DYNC2H1: variants seen among roughly 807,000 people sequenced by gnomAD.
The protein encoded by DYNC2H1 is dynein cytoplasmic 2 heavy chain 1, also known as cytoplasmic dynein 2 heavy chain 1.
Under a neutral mutation model 570.0 loss-of-function variants are expected in DYNC2H1, and 410 were observed. The observed-to-expected ratio is 0.72, with a 90% CI of 0.66 to 0.78. The LOEUF (loss-of-function observed/expected upper bound fraction) is 0.78. Ranked by LOEUF, DYNC2H1 falls within the 30% of genes least tolerant of loss-of-function variation. The pLI, the probability that DYNC2H1 is intolerant of heterozygous loss-of-function variation, is 0.00. For missense variants in DYNC2H1, 4,865 were observed against 5,046.4 expected, an observed-to-expected ratio of 0.96 and a Z score of 1.09; for synonymous variants, 1,688 against 1,677.6, an observed-to-expected ratio of 1.01 and a Z score of -0.15.
chr11:103,312,075 T>C (rs748503392), intron 79 of DYNC2H1, 42 bp downstream of exon 79: 6 of 1,564,060 alleles, frequency 3.8e-6, no homozygotes, highest in Non-Finnish European at 5.2e-6. Flanking sequence ...AGCTTTATAT[T>C]TTTGTATGTT....
intron 84 of DYNC2H1, among the ~76,000 whole-genome samples, chr11:103,413,973 C>T (rs1039025342): frequency 3.3e-5 from 5 of 152,058 alleles, no homozygotes; most frequent in Non-Finnish European, 5.9e-5. Context: ...AACAGAAGTA[C>T]ATTATTGTAA....
chr11:103,417,552 C>T (rs1309699802), intron 84 of DYNC2H1, among the ~76,000 whole-genome samples: 1 of 151,968 alleles, frequency 6.6e-6, no homozygotes, highest in Admixed American at 6.5e-5. Context: ...TGCATCATCC[C>T]CACAATACTA....
chr11:103,111,974 A>G (rs1382584310), intron 1 of DYNC2H1, among the ~76,000 whole-genome samples: 1 of 152,236 alleles, frequency 6.6e-6, no homozygotes. Context: ...CATGCTACAG[A>G]TATATGTAAC....
Position 103,292,155 on chromosome 11 carries a change from TCTC to T in DYNC2H1, c.11095+4551_11095+4553del, listed in dbSNP as rs761649267. ...GGTTGTTTTGTTAGTGTCTTCTTCT[TCTC>T]TTTTTTTTTTTCCTTTCTTCCTGTC... On this transcript the variant is annotated intron_variant, in intron 75 of 88. Transcript: ENST00000375735. 4.8e-4 allele frequency among the ~76,000 whole-genome samples: 63 copies of T among 130,618 alleles called. No individual in the cohort carries two copies. In the Middle Eastern group the frequency reaches 0.023, roughly 47 times the overall value. 85.7% of individuals were successfully genotyped at this position (130,618 alleles called of 152,430 possible).
chr11:103,433,106 A>AT (rs1943952262), intron 84 of DYNC2H1, among the ~76,000 whole-genome samples: 1 of 152,094 alleles, frequency 6.6e-6, no homozygotes, highest in South Asian at 2.1e-4. Flanking sequence ...TTTAAATACT[A>AT]TATTTATTTT....
intron 17 of DYNC2H1, among the ~76,000 whole-genome samples, chr11:103,138,767 G>A (rs1228060695): frequency 2.0e-5 from 3 of 152,118 alleles, no homozygotes; most frequent in Non-Finnish European, 2.9e-5. Context: ...TCTATTGATT[G>A]GAATAGTTTC....
At chr11:103,401,486 AG>A (rs1379079049) in intron 84 of DYNC2H1, among the ~76,000 whole-genome samples, 1 of 152,168 alleles carries the variant, frequency 6.6e-6, no homozygotes, top group African/African-American at 2.4e-5. Flanking sequence ...AGCCAAAGAA[AG>A]GAACTTGGAT....
At chr11:103,347,526 G>A (rs911309847) in intron 82 of DYNC2H1, among the ~76,000 whole-genome samples, 7 of 152,092 alleles carry the variant, frequency 4.6e-5, no homozygotes, top group African/African-American at 1.7e-4. Flanking sequence ...AAACAAGAGG[G>A]AGATGAATGA....
At position 103,186,120 on chromosome 11, in the gene DYNC2H1, A is replaced by C. The variant is rs980131735; in HGVS notation, c.6634-122A>C. ...GTTACATTAATGATAAAATAGGTTT[A>C]GTTTATGTAAAGTTTTCTTGGAACT... is the stretch of plus-strand genomic sequence containing the variant. On this transcript the variant is annotated intron_variant, in intron 41 of 88. Coordinates refer to ENST00000375735, the MANE Select transcript of DYNC2H1 (RefSeq NM_001377.3). This position sits in a 1 kb window ranked among gnomAD's most constrained non-coding sequence, Gnocchi z 4.5. 3.3e-6 allele frequency: 3 copies of C among 906,616 alleles called. No individual in the cohort carries two copies. The African/African-American group carries it at 5.1e-5, about 15-fold the overall frequency. The allele number at this position is 906,616 out of a possible 1,614,324, so 56.2% of individuals were successfully genotyped here.
Position 103,179,263 on chromosome 11 carries a change from A to T in DYNC2H1, c.6347+30A>T, listed in dbSNP as rs1312201530. 1.9e-6 allele frequency: 3 copies of T among 1,584,660 alleles called. No homozygotes were observed. The South Asian group carries it at 3.5e-5, about 18-fold the overall frequency. On this transcript the variant is annotated intron_variant, in intron 39 of 88. Transcript: ENST00000375735. ...GCCATAGATTATTTATATACAGTAT[A>T]TTAGAATATTCTTTTACTGTCCTGG...
At position 103,120,942 on chromosome 11, in the gene DYNC2H1, G is replaced by T; in HGVS notation, c.1266G>T (p.Leu422=). ...TATATTAGCTTCTTCAAGCATTCCT[G>T]AAATATAAAGAGTTGGTAAAGCGTC... is the stretch of plus-strand genomic sequence containing the variant. ...DSPQQLLQAF[L]KYKELVKRPT... is the part of the protein sequence containing the mutation. Residue 422 remains leucine (L), a synonymous_variant, in exon 9 of 89, where the codon CTG becomes CTT. Transcript: ENST00000375735. The T allele has an allele frequency of 6.6e-7, 1 of 1,524,876 alleles. No homozygotes were observed. 94.5% of individuals were successfully genotyped at this position (1,524,876 alleles called of 1,614,324 possible).
At chr11:103,225,719 G>C (rs1186815161) in intron 59 of DYNC2H1, among the ~76,000 whole-genome samples, 1 of 151,988 alleles carries the variant, frequency 6.6e-6, no homozygotes, top group Non-Finnish European at 1.5e-5. Flanking sequence ...GCTTCCTCTT[G>C]CTTTGGCTAT....
intron 80 of DYNC2H1, among the ~76,000 whole-genome samples, chr11:103,318,914 A>ATGGGTAACTACTTTCC (rs1348328535): frequency 1.3e-5 from 2 of 152,102 alleles, no homozygotes; most frequent in Non-Finnish European, 2.9e-5. Context: ...CACCTCATAC[A>ATGGGTAACTACTTTCC]TGGGTAACTA....
chr11:103,191,871 T>A (rs1157803164), intron 46 of DYNC2H1, among the ~76,000 whole-genome samples: 1 of 152,076 alleles, frequency 6.6e-6, no homozygotes, highest in Non-Finnish European at 1.5e-5. Context: ...TCTGGAATTA[T>A]TTTTGTTGAA....
chr11:103,270,192 C>A (rs1233182770), intron 70 of DYNC2H1, among the ~76,000 whole-genome samples: 2 of 125,312 alleles, frequency 1.6e-5, no homozygotes, highest in African/African-American at 5.8e-5. Context: ...GATTCCATCT[C>A]AAAAAAAAAA....
intron 18 of DYNC2H1, among the ~76,000 whole-genome samples, chr11:103,143,714 C>G (rs549311642): frequency 7.2e-5 from 11 of 152,130 alleles, no homozygotes; most frequent in Admixed American, 3.3e-4. Context: ...TGAGAGCATA[C>G]TAGACAATAT....
At chr11:103,361,245 A>G (rs1247936097) in intron 83 of DYNC2H1, among the ~76,000 whole-genome samples, 3 of 152,178 alleles carry the variant, frequency 2.0e-5, no homozygotes, top group Admixed American at 1.3e-4. Flanking sequence ...TAGAGCCCTC[A>G]CAAATAGGAT....
chr11:103,405,217 C>G (rs1037472522), intron 84 of DYNC2H1: 1 of 151,758 alleles, frequency 6.6e-6, no homozygotes, highest in Admixed American at 6.6e-5. Flanking sequence ...AGGTTACGGT[C>G]AGTTAATAGT....
rs1858005973 is a variant in DYNC2H1 at position 103,109,519 on chromosome 11, G to T, written c.-56G>T. The T allele has an allele frequency of 1.3e-6, 2 of 1,523,656 alleles. No individual in the cohort carries two copies. Among genetic ancestry groups the T allele is most frequent in the South Asian group, 1.2e-5 (1 of 84,110 alleles). The allele number at this position is 1,523,656 out of a possible 1,614,324, so 94.4% of individuals were successfully genotyped here. ...TCCTCTCTTCCCTTCACTTCCCTCC[G>T]GACTGGTTTCTTCTTCCTTCCCCCT... On this transcript the variant is annotated 5_prime_UTR_variant, in exon 1 of 89. Transcript: ENST00000375735.
Sources: allele counts gnomAD v4.1 joint callset (sites outside exome capture counted in the v4.1 genomes callset), GRCh38; gene constraint gnomAD v4.1.1; non-coding constraint Gnocchi (gnomAD v3.1); transcripts MANE v1.5; gene names NCBI Gene and HGNC (gene_info 2026-07-23, HGNC 2026-07-21).